Variants in DCDC2C observed in about 807,000 individuals in gnomAD.
DCDC2C encodes doublecortin domain containing 2C, also known as doublecortin domain-containing protein 2C.
A neutral mutation model predicts 45.0 loss-of-function variants in DCDC2C; 44 were observed. That is an observed-to-expected ratio of 0.98 (90% CI 0.77 to 1.26). DCDC2C has a LOEUF of 1.26. Among genes scored for constraint, DCDC2C ranks in the 50% most tolerant of loss-of-function variants. DCDC2C has a pLI of 0.00. For missense variants in DCDC2C, 447 were observed against 468.9 expected (o/e 0.95, Z 0.43); for synonymous variants, 187 against 178.8 (o/e 1.05, Z -0.37).
At chr2:3,846,194 T>C (rs1185357649) in intron 10 of DCDC2C, among the ~76,000 whole-genome samples, 2 of 151,642 alleles carry the variant, frequency 1.3e-5, no homozygotes, top group African/African-American at 2.4e-5. Context: ...TCTTCTTTCT[T>C]CCCCACCCCC....
rs12613914 is a variant in DCDC2C, at chr2:3,735,671, A to T, written c.417-6249A>T. ...TGGTTCATTTTCCCAGGTGAAGGTG[A>T]CAAGCCCGGGGAATTTTCATGGTAG... On this transcript the variant is annotated intron_variant, in intron 3 of 10. Coordinates refer to ENST00000399143, the MANE Select transcript of DCDC2C (RefSeq NM_001287444.2). 2.0e-3 allele frequency among the ~76,000 whole-genome samples: 306 copies of T among 152,268 alleles called. 5 individuals carry two copies. The East Asian group carries it at 0.053, about 26-fold the overall frequency.
intron 2 of DCDC2C, among the ~76,000 whole-genome samples, chr2:3,712,829 G>A (rs1034040206): frequency 1.3e-5 from 2 of 152,100 alleles, no homozygotes; most frequent in African/African-American, 4.8e-5. Flanking sequence ...TTGGAGAGTC[G>A]TGTCAGTCCT....
intron 10 of DCDC2C, among the ~76,000 whole-genome samples, chr2:3,837,932 G>A (rs1672121013): frequency 6.6e-6 from 1 of 152,150 alleles, no homozygotes. Flanking sequence ...GCCTGTGGAC[G>A]TCTTTTCTGA....
At chr2:3,800,417 A>G (rs913786895) in intron 10 of DCDC2C, among the ~76,000 whole-genome samples, 6 of 152,264 alleles carry the variant, frequency 3.9e-5, no homozygotes, top group African/African-American at 1.4e-4. Flanking sequence ...AGTTTTTTGA[A>G]TGCTCAAATT....
rs529172393 is a variant in DCDC2C at position 3,800,204 on chromosome 2, G to A, written c.1065+15104G>A. 2.6e-5 allele frequency among the ~76,000 whole-genome samples: 4 copies of A among 152,318 alleles called. No homozygotes were observed. The South Asian group carries it at 6.2e-4, about 24-fold the overall frequency. On this transcript the variant is annotated intron_variant, in intron 10 of 10. Transcript: ENST00000399143. ...TGACCCCTTGCGCTTCCCGAGTGAG[G>A]CAATGCCTCGCCCTGCTTCAGCTCG...
At chr2:3,718,341 G>A (rs1287442633) in intron 2 of DCDC2C, among the ~76,000 whole-genome samples, 1 of 152,166 alleles carries the variant, frequency 6.6e-6, no homozygotes. Flanking sequence ...AAACCGTCTG[G>A]CTGTCTGATT....
chr2:3,714,409 A>C (rs12711969), intron 2 of DCDC2C, among the ~76,000 whole-genome samples: 55,948 of 151,854 alleles, frequency 0.37, 10,836 homozygotes, highest in Middle Eastern at 0.45. Context: ...TTATAGTACA[A>C]CATTGAGATT....
intron 10 of DCDC2C, among the ~76,000 whole-genome samples, chr2:3,799,523 T>G (rs1267501882): frequency 6.6e-6 from 1 of 152,062 alleles, no homozygotes; most frequent in South Asian, 2.1e-4. Context: ...TCTTTGATGA[T>G]GGTGATGTAC....
At chr2:3,810,278 T>C (rs1346849302) in intron 10 of DCDC2C, among the ~76,000 whole-genome samples, 1 of 152,220 alleles carries the variant, frequency 6.6e-6, no homozygotes, top group Non-Finnish European at 1.5e-5. Context: ...TTTTTAATAA[T>C]TGCCATTTGG....
intron 2 of DCDC2C, among the ~76,000 whole-genome samples, chr2:3,711,539 A>T (rs764798028): frequency 6.6e-6 from 1 of 152,170 alleles, no homozygotes; most frequent in Non-Finnish European, 1.5e-5. Flanking sequence ...AAAAATAAAA[A>T]TTTTTAAACT....
chr2:3,836,864 A>C (rs943661238), intron 10 of DCDC2C, among the ~76,000 whole-genome samples: 7 of 151,306 alleles, frequency 4.6e-5, no homozygotes, highest in African/African-American at 1.7e-4. Flanking sequence ...TCCGTCTCAA[A>C]AAAAAAAAAA....
At chr2:3,732,745 G>A (rs556158785) in intron 3 of DCDC2C, among the ~76,000 whole-genome samples, 6 of 152,258 alleles carry the variant, frequency 3.9e-5, no homozygotes, top group African/African-American at 7.2e-5. Flanking sequence ...GGGCATTCTC[G>A]TGGTCTTCCT....
intron 4 of DCDC2C, among the ~76,000 whole-genome samples, chr2:3,744,518 G>A (rs1230027096): frequency 6.6e-6 from 1 of 152,194 alleles, no homozygotes; most frequent in Non-Finnish European, 1.5e-5. Flanking sequence ...GATCTTTCAG[G>A]CTGAGAAGTG....
At chr2:3,747,277 G>T (rs1484691202) in intron 4 of DCDC2C, among the ~76,000 whole-genome samples, 4 of 152,184 alleles carry the variant, frequency 2.6e-5, no homozygotes, top group Admixed American at 2.6e-4. Context: ...GCCCTGCATC[G>T]TGGGCACAAA....
intron 4 of DCDC2C, among the ~76,000 whole-genome samples, chr2:3,743,375 C>T (rs900744932): frequency 1.1e-4 from 17 of 152,104 alleles, no homozygotes; most frequent in African/African-American, 3.1e-4. Context: ...ATAAGGAAAC[C>T]GTGGGCTTGA....
chr2:3,772,973 T>C (rs1275334698), intron 8 of DCDC2C, among the ~76,000 whole-genome samples: 1 of 152,120 alleles, frequency 6.6e-6, no homozygotes, highest in Non-Finnish European at 1.5e-5. Flanking sequence ...AGAATCAAGA[T>C]TGGGGTTCTG....
intron 8 of DCDC2C, among the ~76,000 whole-genome samples, chr2:3,775,950 C>G (rs112838541): frequency 1.8e-5 from 2 of 110,640 alleles, no homozygotes; most frequent in Admixed American, 9.2e-5. Context: ...AGCTGTGGCT[C>G]TGAGCTAGGC....
Position 3,847,199 on chromosome 2 carries a change from TA to T in DCDC2C, c.*17del, listed in dbSNP as rs568320766. Reference sequence around the variant, plus strand: ...TGTAGATTAACAAAACCACCTTTATTATTACCTGAAGTCCACTTTTCTTCAA... The same window carrying T: ...TGTAGATTAACAAAACCACCTTTATTTTACCTGAAGTCCACTTTTCTTCAA... On this transcript the variant is annotated 3_prime_UTR_variant, in exon 11 of 11. Transcript: ENST00000399143. 268 of 1,231,062 alleles carry T rather than the reference TA, an allele frequency of 2.2e-4. No homozygotes were observed. The Middle Eastern group carries it at 4.4e-3, about 20-fold the overall frequency. The allele number at this position is 1,231,062 out of a possible 1,614,324, so 76.3% of individuals were successfully genotyped here. A position where few individuals can be genotyped will look rare whatever the true frequency, so the allele number is the denominator to read the frequency against.
intron 2 of DCDC2C, among the ~76,000 whole-genome samples, chr2:3,710,344 A>G (rs13427596): frequency 0.41 from 62,052 of 151,402 alleles, 12,960 homozygotes; most frequent in Middle Eastern, 0.46. Flanking sequence ...TCTTCCTGAT[A>G]CTCTCCCTCC....
Sources: gnomAD v4.1 joint callset for allele counts (sites outside exome capture counted in the v4.1 genomes callset) on GRCh38, gnomAD v4.1.1 for gene constraint, MANE v1.5 for transcripts, NCBI Gene and HGNC (gene_info 2026-07-23, HGNC 2026-07-21) for gene names.